Variants in PLA2G4B observed in about 807,000 individuals in gnomAD.
The protein encoded by PLA2G4B is cytosolic phospholipase A2 beta.
Under a neutral mutation model 95.8 loss-of-function variants are expected in PLA2G4B, and 122 were observed. The observed-to-expected ratio is 1.27, with a 90% CI of 1.10 to 1.48. The LOEUF is 1.48. Among genes scored for constraint, PLA2G4B ranks in the 40% most tolerant of loss-of-function variants. PLA2G4B has a pLI of 0.00. For missense variants in PLA2G4B, 1,158 were observed against 996.2 expected (o/e 1.16, Z -2.19); for synonymous variants, 518 against 421.5 (o/e 1.23, Z -2.80).
At chr15:41,847,009 G>A (rs1174136838) in intron 18 of PLA2G4B, among the ~76,000 whole-genome samples, 174 bp downstream of exon 18, 1 of 152,148 alleles carries the variant, frequency 6.6e-6, no homozygotes, top group Non-Finnish European at 1.5e-5. Context: ...TGGGAGGCTG[G>A]CGAGGTTCTC....
Position 41,844,526 on chromosome 15 carries a change from T to A in PLA2G4B, c.935T>A (p.Leu312Gln). 6.2e-7 allele frequency: 1 copy of A among 1,614,166 alleles called. No individual in the cohort carries two copies. Among genetic ancestry groups the A allele is most frequent in the Non-Finnish European group, 8.5e-7 (1 of 1,180,010 alleles). Reference sequence around the variant, plus strand: ...GGTGGGATCCGGGCAATGACTTCCCTGTATGGGCAGCTGGCTGGCCTGAAG... The same window carrying A: ...GGTGGGATCCGGGCAATGACTTCCCAGTATGGGCAGCTGGCTGGCCTGAAG... ...TGGGIRAMTS[L>Q]YGQLAGLKEL... The change falls in exon 12 of 20, where the codon CTG becomes CAG. Residue 312 changes from leucine to glutamine, a missense_variant. Leu to Gln is a moderately radical substitution (Grantham distance 113). Coordinates refer to ENST00000458483, the MANE Select transcript of PLA2G4B (RefSeq NM_001114633.2).
chr15:41,846,164 G>GGT, intron 16 of PLA2G4B, 39 bp from the exon 17 acceptor site: 1 of 1,599,224 alleles, frequency 6.3e-7, no homozygotes, highest in Non-Finnish European at 8.6e-7. Flanking sequence ...TGGGGATAAA[G>GGT]GTGCAGGAGT....
rs867894728 is a variant in PLA2G4B, at chr15:41,846,244, T to G, written c.1642T>G (p.Ser548Ala). ...VPLLKIEEPP[S>A]TAGRIAEFFT... ...CCTTCTGAAGATAGAAGAACCACCC[T>G]CAACAGCCGGCAGGATAGCTGAGTT... Residue 548 changes from serine (S) to alanine (A), a missense_variant, in exon 17 of 20, where the codon TCA becomes GCA. Transcript: ENST00000458483. 6.2e-7 allele frequency: 1 copy of G among 1,614,026 alleles called. No homozygotes were observed. The highest frequency in any genetic ancestry group is 1.6e-4 in the Middle Eastern group (1 of 6,062).
Position 41,845,015 on chromosome 15 carries a change from C to T in PLA2G4B, c.1184C>T (p.Pro395Leu). The T allele has an allele frequency of 1.2e-6, 2 of 1,604,800 alleles. No individual in the cohort carries two copies. The highest frequency in any genetic ancestry group is 1.7e-6 in the Non-Finnish European group (2 of 1,176,048). The change falls in exon 13 of 20, where the codon CCA (proline) becomes CTA (leucine). Residue 395 changes from proline to leucine, a missense_variant. Pro to Leu is a moderately conservative substitution (Grantham distance 98). Transcript: ENST00000458483. Reference protein sequence around the residue: ...ELAERARLGYPSCFTNLWALI... With the variant: ...ELAERARLGYLSCFTNLWALI... The stretch of plus-strand genomic sequence containing the variant: ...GCCGAGCGTGCCCGCTTGGGCTACC[C>T]AAGCTGCTTCACCAACCTGTGGGCC...
At chr15:41,842,862 C>G in intron 10 of PLA2G4B, 1 of 454,754 alleles carries the variant, frequency 2.2e-6, no homozygotes, top group Non-Finnish European at 3.8e-6. Context: ...CGCAGGGAGG[C>G]AAGGATGGAA....
chr15:41,843,863 C>T (rs749376659), intron 11 of PLA2G4B, 52 bp downstream of exon 11: 39 of 1,599,136 alleles, frequency 2.4e-5, no homozygotes, highest in Non-Finnish European at 2.5e-5. Context: ...GGGCCTAGCT[C>T]CTGGTGCTGA....
At position 41,847,331 on chromosome 15, in the gene PLA2G4B, C is replaced by A; in HGVS notation, c.1948-6C>A. The stretch of plus-strand genomic sequence containing the variant: ...CCCTCTGAAGCCCCTTCTGCCTGCC[C>A]TGCAGCAGTTGCAGCTCCTGGGCCG... On this transcript the variant is annotated splice_polypyrimidine_tract_variant and splice_region_variant and intron_variant, in intron 18 of 19. Transcript: ENST00000458483. 1.9e-6 allele frequency: 3 copies of A among 1,593,640 alleles called. No individual in the cohort carries two copies. The highest frequency in any genetic ancestry group is 1.1e-5 in the South Asian group (1 of 90,236).
chr15:41,842,186 C>T lies in PLA2G4B; in HGVS notation c.622-7C>T. ...ATTCTTAGGTCTGCATTCTTTGTCC[C>T]CTGCAGGATGCCCCCGAGGAGCAAC... On this transcript the variant is annotated splice_region_variant and splice_polypyrimidine_tract_variant and intron_variant, in intron 8 of 19. Coordinates refer to ENST00000458483, the MANE Select transcript of PLA2G4B (RefSeq NM_001114633.2). 6.2e-7 allele frequency: 1 copy of T among 1,613,748 alleles called. No homozygotes were observed. The highest frequency in any genetic ancestry group is 1.7e-4 in the Middle Eastern group (1 of 6,060).
At chr15:41,842,066 G>A (rs1359762792) in intron 8 of PLA2G4B, 117 bp downstream of exon 8, 13 of 1,558,790 alleles carry the variant, frequency 8.3e-6, no homozygotes, top group Admixed American at 5.3e-5. Context: ...CAGCATGTGT[G>A]GGCCCATGCT....
At chr15:41,847,237 T>A in intron 18 of PLA2G4B, 100 bp from the exon 19 acceptor site, 32 of 1,487,512 alleles carry the variant, frequency 2.2e-5, no homozygotes, top group Non-Finnish European at 2.7e-5. Flanking sequence ...GGAGACCGTT[T>A]TGGCATTTGA....
Position 41,841,564 on chromosome 15 carries a change from C to A in PLA2G4B, c.483C>A (p.Asp161Glu), listed in dbSNP as rs373118700. 1 of 1,613,990 alleles carries A rather than the reference C, an allele frequency of 6.2e-7. No homozygotes were observed. Among genetic ancestry groups the A allele is most frequent in the East Asian group, 2.2e-5 (1 of 44,866 alleles). The change falls in exon 7 of 20, where the codon GAC (aspartate) becomes GAA (glutamate). Residue 161 changes from aspartate (D) to glutamate (E), a missense_variant. Transcript: ENST00000458483. ...ACGTTCAACTGGAGGAGACAGGAGA[C>A]CAGAAGTGTGAGTCCCCAACCCACT... ...CLHVQLEETG[D>E]QKSSEHRVQL...
At position 41,838,929 on chromosome 15, in the gene PLA2G4B, C is replaced by G. The variant is rs747991570; in HGVS notation, c.9+7C>G. ...ACTCAGTCTCATGGCTGTGGTAAGG[C>G]CTGGCAGGGCCCTGGGTCCCTACTG... On this transcript the variant is annotated splice_region_variant and intron_variant, in intron 1 of 19. Transcript: ENST00000458483. 2 of 1,590,450 alleles carry G rather than the reference C, an allele frequency of 1.3e-6. No homozygotes were observed. The highest frequency in any genetic ancestry group is 1.7e-6 in the Non-Finnish European group (2 of 1,167,434).
chr15:41,841,318 C>G (rs1221237970), intron 6 of PLA2G4B, 45 bp downstream of exon 6: 1 of 1,611,426 alleles, frequency 6.2e-7, no homozygotes, highest in African/African-American at 1.3e-5. Flanking sequence ...GTCCCCGGGA[C>G]TCCCTCATGC....
intron 19 of PLA2G4B, 60 bp downstream of exon 19, chr15:41,847,583 C>T: frequency 6.2e-7 from 1 of 1,610,246 alleles, no homozygotes. Context: ...CCTCCGTCCC[C>T]TGTGCCTCTC....
intron 2 of PLA2G4B, 83 bp downstream of exon 2, chr15:41,840,313 G>A (rs1008727178): frequency 1.3e-6 from 2 of 1,588,558 alleles, no homozygotes; most frequent in Non-Finnish European, 1.7e-6. Flanking sequence ...GCTGGATTTG[G>A]TGGAGGCGGG....
chr15:41,839,702 C>T (rs377273740), intron 1 of PLA2G4B: 1 of 161,942 alleles, frequency 6.2e-6, no homozygotes, highest in Non-Finnish European at 1.4e-5. Flanking sequence ...AGCTGCTTAG[C>T]TGGGGTGTGG....
chr15:41,839,076 G>A, intron 1 of PLA2G4B, 154 bp downstream of exon 1: 1 of 579,628 alleles, frequency 1.7e-6, no homozygotes, highest in East Asian at 3.1e-5. Context: ...GAAGCCAGGG[G>A]AGGAGGAGGC....
intron 8 of PLA2G4B, 76 bp from the exon 9 acceptor site, chr15:41,842,117 G>A (rs934958526): frequency 6.3e-6 from 10 of 1,592,946 alleles, no homozygotes; most frequent in Middle Eastern, 1.7e-4. Flanking sequence ...TATGGCTGCC[G>A]GCGGGAGTTT....
rs1429107508 is a variant in PLA2G4B at position 41,841,831 on chromosome 15, G to T, written c.503G>T (p.Arg168Ile). 1.2e-6 allele frequency: 2 copies of T among 1,613,476 alleles called. No individual in the cohort carries two copies. The highest frequency in any genetic ancestry group is 1.7e-5 in the Admixed American group (1 of 59,996). ...TTCCTGTTTCCAGCCTCAGAGCACA[G>T]AGTTCAGCTTGTGGTTCCTGGGTCC... ...ETGDQKSSEHRVQLVVPGSCE... is the reference protein window; with the variant it reads ...ETGDQKSSEHIVQLVVPGSCE... Residue 168 changes from arginine (R) to isoleucine (I), a missense_variant, in exon 8 of 20, where the codon AGA becomes ATA. Transcript: ENST00000458483.
Sources: allele counts gnomAD v4.1 joint callset (sites outside exome capture counted in the v4.1 genomes callset), GRCh38; gene constraint gnomAD v4.1.1; transcripts MANE v1.5; gene names NCBI Gene and HGNC (gene_info 2026-07-23, HGNC 2026-07-21).